Variants in NRXN3 observed in about 807,000 individuals in gnomAD.
NRXN3 encodes neurexin III.
In NRXN3, 32 loss-of-function variants were observed where a neutral mutation model predicts 137.6. The observed-to-expected ratio is 0.23, with a 90% CI of 0.18 to 0.31. The LOEUF (loss-of-function observed/expected upper bound fraction) is 0.31. NRXN3 is among the 10% of genes least tolerant of loss of function. The pLI is 1.00. For missense variants in NRXN3, 1,574 were observed against 2,062.5 expected (o/e 0.76, Z 4.59); for synonymous variants, 798 against 784.5 (o/e 1.02, Z -0.29).
At chr14:79,013,735 C>T (rs530085908) in intron 15 of NRXN3, among the ~76,000 whole-genome samples, 59 of 152,162 alleles carry the variant, frequency 3.9e-4, no homozygotes, top group Admixed American at 1.2e-3. Context: ...AGCCACTTTA[C>T]GTGGCTTATA....
At chr14:78,717,389 A>G (rs1460912793) in intron 8 of NRXN3, among the ~76,000 whole-genome samples, 1 of 152,228 alleles carries the variant, frequency 6.6e-6, no homozygotes, top group Non-Finnish European at 1.5e-5. Context: ...GCCAAGAGTC[A>G]TCCATTCTGG....
intron 16 of NRXN3, among the ~76,000 whole-genome samples, chr14:79,649,004 A>T (rs929906198): frequency 6.6e-6 from 1 of 152,092 alleles, no homozygotes; most frequent in African/African-American, 2.4e-5. Context: ...TCCATGTTTG[A>T]GGATTTGGGA....
At chr14:78,417,955 C>T (rs2093237674) in intron 4 of NRXN3, among the ~76,000 whole-genome samples, 1 of 152,154 alleles carries the variant, frequency 6.6e-6, no homozygotes, top group Non-Finnish European at 1.5e-5. Context: ...CAGTGTTTTG[C>T]CACATTGGCC....
chr14:78,446,129 C>G (rs2094411747), intron 4 of NRXN3, among the ~76,000 whole-genome samples: 1 of 152,186 alleles, frequency 6.6e-6, no homozygotes, highest in Admixed American at 6.5e-5. Context: ...CACAGTCTTC[C>G]CCACTTCTAT....
chr14:78,525,319 A>G (rs1566637285), intron 4 of NRXN3, among the ~76,000 whole-genome samples: 1 of 152,242 alleles, frequency 6.6e-6, no homozygotes, highest in Non-Finnish European at 1.5e-5. Context: ...GTTGTGCTGA[A>G]TCAGAGGATG....
chr14:79,287,037 C>T (rs2082383920), intron 15 of NRXN3, among the ~76,000 whole-genome samples: 1 of 152,046 alleles, frequency 6.6e-6, no homozygotes, highest in Admixed American at 6.6e-5. Flanking sequence ...CTTTGAATTC[C>T]TTGCACAAAG....
intron 15 of NRXN3, among the ~76,000 whole-genome samples, chr14:79,296,026 G>A (rs531181855): frequency 4.9e-4 from 74 of 152,120 alleles, no homozygotes; most frequent in Non-Finnish European, 9.3e-4. Flanking sequence ...AGAGGTTCAC[G>A]CCTTGGTGGA....
chr14:78,768,091 A>G (rs1246202627), intron 8 of NRXN3, among the ~76,000 whole-genome samples: 1 of 151,924 alleles, frequency 6.6e-6, no homozygotes, highest in Non-Finnish European at 1.5e-5. Flanking sequence ...AAAAAAAAAA[A>G]AAGTACAGAT....
At chr14:79,501,068 A>G (rs757508794) in intron 16 of NRXN3, among the ~76,000 whole-genome samples, 11 of 152,194 alleles carry the variant, frequency 7.2e-5, no homozygotes, top group Admixed American at 2.0e-4. Context: ...CTACTAAATC[A>G]AAAGTTCCAA....
chr14:78,403,789 T>C (rs1444838351), intron 4 of NRXN3: 26 of 985,348 alleles, frequency 2.6e-5, no homozygotes, highest in Non-Finnish European at 3.1e-5. Context: ...GTCCCTCTCT[T>C]CGTTGTTTCT....
intron 15 of NRXN3, among the ~76,000 whole-genome samples, chr14:79,399,008 C>CAAAAAAAAAAAAAAAAAAAA (rs34172134): frequency 1.3e-5 from 1 of 76,146 alleles, no homozygotes; most frequent in Non-Finnish European, 2.3e-5. Flanking sequence ...GACTCCATCT[C>CAAAAAAAAAAAAAAAAAAAA]AAAAAAAAAA....
At chr14:79,478,290 A>G (rs1024298877) in intron 16 of NRXN3, among the ~76,000 whole-genome samples, 1 of 151,768 alleles carries the variant, frequency 6.6e-6, no homozygotes, top group African/African-American at 2.4e-5. Flanking sequence ...AGGGTAGGGG[A>G]TAACCTAGAT....
chr14:79,247,950 C>G (rs2075427836), intron 15 of NRXN3, among the ~76,000 whole-genome samples: 1 of 152,080 alleles, frequency 6.6e-6, no homozygotes, highest in African/African-American at 2.4e-5. Flanking sequence ...ATCACCCTCT[C>G]TCATAGCTTG....
At position 79,836,097 on chromosome 14, in the gene NRXN3, G is replaced by T. The variant is rs965255422; in HGVS notation, c.4094-25245G>T. On this transcript the variant is annotated intron_variant, in intron 20 of 20. Coordinates refer to ENST00000335750, the MANE Select transcript of NRXN3 (RefSeq NM_001330195.2). ...ACAATGTTTTCTGTAAGATTTCTTT[G>T]TAATATTATAGAGAGAAGAGCAGAA... Among the ~76,000 whole-genome samples the T allele has an allele frequency of 3.3e-5, 5 of 151,912 alleles. No individual in the cohort carries two copies. In the South Asian group the frequency reaches 6.2e-4, roughly 19 times the overall value.
At chr14:78,254,422 T>A (rs1309449358) in intron 2 of NRXN3, among the ~76,000 whole-genome samples, 2 of 152,208 alleles carry the variant, frequency 1.3e-5, no homozygotes, top group Admixed American at 6.5e-5. Context: ...GGCTCATGCC[T>A]GTAATCCCAG....
intron 4 of NRXN3, among the ~76,000 whole-genome samples, chr14:78,551,790 A>G (rs571400038): frequency 7.5e-5 from 11 of 147,044 alleles, no homozygotes; most frequent in Admixed American, 2.0e-4. Flanking sequence ...ACTTCCCCCC[A>G]TTCCTCCCTG....
chr14:78,245,507 G>T (rs916522985), intron 2 of NRXN3, among the ~76,000 whole-genome samples: 3 of 152,178 alleles, frequency 2.0e-5, no homozygotes, highest in African/African-American at 7.2e-5. Context: ...TTCAGATAAG[G>T]CCCTGCTATT....
At chr14:79,411,600 A>G (rs1451122195) in intron 15 of NRXN3, among the ~76,000 whole-genome samples, 8 of 152,104 alleles carry the variant, frequency 5.3e-5, no homozygotes, top group Non-Finnish European at 1.2e-4. Flanking sequence ...TTTTTAAACA[A>G]CCATGTTATA....
intron 4 of NRXN3, among the ~76,000 whole-genome samples, chr14:78,435,787 G>A (rs1482570494): frequency 6.6e-6 from 1 of 152,204 alleles, no homozygotes; most frequent in African/African-American, 2.4e-5. Flanking sequence ...AGGGATTTGT[G>A]ATGGACACAG....
Sources: allele counts gnomAD v4.1 joint callset (sites outside exome capture counted in the v4.1 genomes callset), GRCh38; gene constraint gnomAD v4.1.1; transcripts MANE v1.5; gene names NCBI Gene and HGNC (gene_info 2026-07-23, HGNC 2026-07-21).